The following TEKT5 variants were observed in gnomAD, a reference collection of about 807,000 sequenced individuals.
TEKT5 encodes the protein tektin 5, also known as tektin-5.
Under a neutral mutation model 48.7 loss-of-function variants are expected in TEKT5, and 52 were observed. That is an observed-to-expected ratio of 1.07 (90% CI 0.86 to 1.35). The LOEUF is 1.35. TEKT5 is among the 40% of genes most tolerant of loss of function. TEKT5 has a pLI of 0.00. For synonymous variants in TEKT5, 318 were observed against 267.6 expected (o/e 1.19, Z -1.84); for missense variants, 831 against 641.6 (o/e 1.30, Z -3.19).
intron 4 of TEKT5, among the ~76,000 whole-genome samples, chr16:10,681,728 T>G (rs1482521971): frequency 6.6e-6 from 1 of 152,112 alleles, no homozygotes; most frequent in East Asian, 1.9e-4. Context: ...GAAGGCGCTC[T>G]GACCACACAG....
chr16:10,670,503 A>T (rs1898531552), intron 5 of TEKT5, among the ~76,000 whole-genome samples: 1 of 152,188 alleles, frequency 6.6e-6, no homozygotes, highest in Non-Finnish European at 1.5e-5. Flanking sequence ...TGCACGATAG[A>T]GTGAGACTCC....
chr16:10,652,003 C>T (rs778400858), intron 5 of TEKT5, among the ~76,000 whole-genome samples: 8 of 152,106 alleles, frequency 5.3e-5, no homozygotes, highest in Non-Finnish European at 8.8e-5. Flanking sequence ...TGGCACCAGA[C>T]TATCTAAATC....
At chr16:10,694,257 C>T (rs1388411525) in intron 1 of TEKT5, 53 bp downstream of exon 1, 23 of 1,495,154 alleles carry the variant, frequency 1.5e-5, no homozygotes, top group East Asian at 4.6e-5. Context: ...GCAGAATGAG[C>T]GTGCAGTATC....
intron 1 of TEKT5, chr16:10,691,269 G>A (rs1898970914): frequency 6.6e-6 from 1 of 152,252 alleles, no homozygotes; most frequent in South Asian, 2.1e-4. Flanking sequence ...GTCAACTAAT[G>A]AGCCAAAATC....
chr16:10,694,357 T>G lies in TEKT5; in HGVS notation c.517A>C (p.Lys173Gln). 1.2e-6 allele frequency: 2 copies of G among 1,613,188 alleles called. No homozygotes were observed. The highest frequency in any genetic ancestry group is 1.7e-6 in the Non-Finnish European group (2 of 1,179,476). The change falls in exon 1 of 7, where the codon AAG becomes CAG. Residue 173 changes from lysine to glutamine, a missense_variant. Transcript: ENST00000283025. ...LTENQNLETV[K>Q]RRLECAANEV... ...TTGGCCGCGCACTCCAGCCGCCTCT[T>G]GACCGTCTCCAAGTTCTGGTTCTCA...
At position 10,652,149 on chromosome 16, in the gene TEKT5, G is replaced by A. The variant is rs148488638; in HGVS notation, c.1087-16231C>T. ...AGGTTTAGTGAGACAATCCAGCAAT[G>A]CGATTAGCACAGGGTCTGGGAGACA... On this transcript the variant is annotated intron_variant, in intron 5 of 6. Transcript: ENST00000283025. 7.4e-3 allele frequency among the ~76,000 whole-genome samples: 1,120 copies of A among 152,254 alleles called. 22 individuals are homozygous for A. Among genetic ancestry groups the A allele is most frequent in the African/African-American group, 0.022 (929 of 41,524 alleles).
chr16:10,643,855 T>C (rs899656979), intron 5 of TEKT5, among the ~76,000 whole-genome samples: 1 of 152,024 alleles, frequency 6.6e-6, no homozygotes, highest in South Asian at 2.1e-4. Flanking sequence ...CTGGGCCACA[T>C]AGTGAGACCC....
chr16:10,665,812 G>A (rs1165893198), intron 5 of TEKT5, among the ~76,000 whole-genome samples: 4 of 152,202 alleles, frequency 2.6e-5, no homozygotes, highest in Admixed American at 6.5e-5. Context: ...GTGGGCATCA[G>A]GTAGAGACCT....
intron 3 of TEKT5, among the ~76,000 whole-genome samples, chr16:10,683,320 G>T (rs2355221): frequency 4.8e-5 from 7 of 146,212 alleles, no homozygotes; most frequent in Middle Eastern, 3.5e-3. Flanking sequence ...ATTGGGTGGG[G>T]TCAGGGACTG....
At chr16:10,641,896 C>A (rs1897998813) in intron 5 of TEKT5, among the ~76,000 whole-genome samples, 1 of 152,248 alleles carries the variant, frequency 6.6e-6, no homozygotes, top group Non-Finnish European at 1.5e-5. Flanking sequence ...TTAGGCAAAG[C>A]CTTCACAACT....
intron 5 of TEKT5, among the ~76,000 whole-genome samples, chr16:10,665,365 T>G (rs751682393): frequency 1.3e-5 from 2 of 152,196 alleles, no homozygotes. Flanking sequence ...GCAAAGCATA[T>G]GATTGGCTGT....
chr16:10,643,679 A>T (rs1233628520), intron 5 of TEKT5, among the ~76,000 whole-genome samples: 1 of 152,252 alleles, frequency 6.6e-6, no homozygotes, highest in African/African-American at 2.4e-5. Flanking sequence ...TATTGACAAC[A>T]TGTAAAAATA....
intron 4 of TEKT5, among the ~76,000 whole-genome samples, chr16:10,680,514 T>G (rs1567234869): frequency 6.6e-6 from 1 of 151,846 alleles, no homozygotes; most frequent in East Asian, 1.9e-4. Context: ...ACCCTCTTTC[T>G]CATCCCGAGC....
intron 5 of TEKT5, among the ~76,000 whole-genome samples, chr16:10,652,678 G>C (rs1245795226): frequency 6.3e-5 from 1 of 15,940 alleles, no homozygotes; most frequent in Non-Finnish European, 9.8e-5. Flanking sequence ...TATATACACA[G>C]GCAGACACAC....
chr16:10,678,283 G>T (rs1008924464), intron 4 of TEKT5, among the ~76,000 whole-genome samples: 2 of 152,068 alleles, frequency 1.3e-5, no homozygotes, highest in African/African-American at 2.4e-5. Flanking sequence ...ATTTTTTGTA[G>T]AGACGGGGTT....
At chr16:10,666,611 A>G (rs1898461406) in intron 5 of TEKT5, among the ~76,000 whole-genome samples, 1 of 152,204 alleles carries the variant, frequency 6.6e-6, no homozygotes, top group Non-Finnish European at 1.5e-5. Context: ...CACAACTTCT[A>G]AGAAAATGCA....
chr16:10,628,990 G>T (rs1196976633), intron 6 of TEKT5, among the ~76,000 whole-genome samples: 1 of 151,324 alleles, frequency 6.6e-6, no homozygotes, highest in South Asian at 2.1e-4. Context: ...AATAAAGGAA[G>T]CCAGACACAA....
intron 6 of TEKT5, among the ~76,000 whole-genome samples, chr16:10,629,697 G>C (rs945690119): frequency 1.3e-5 from 2 of 152,222 alleles, no homozygotes; most frequent in African/African-American, 4.8e-5. Flanking sequence ...CAGTTCTCCA[G>C]GCAATTAAGT....
intron 5 of TEKT5, among the ~76,000 whole-genome samples, chr16:10,639,796 TG>T (rs1175075497): frequency 1.3e-5 from 2 of 152,180 alleles, no homozygotes; most frequent in East Asian, 3.9e-4. Context: ...CAGGGTAGGT[TG>T]GGTCCCCCAA....
Sources: allele counts gnomAD v4.1 joint callset (sites outside exome capture counted in the v4.1 genomes callset), GRCh38; gene constraint gnomAD v4.1.1; transcripts MANE v1.5; gene names NCBI Gene and HGNC (gene_info 2026-07-23, HGNC 2026-07-21).